FCGR2B: variants seen among roughly 807,000 people sequenced by gnomAD.
FCGR2B encodes low affinity immunoglobulin gamma Fc region receptor II-b.
FCGR2B carries 18 observed loss-of-function variants against 24.8 expected under a neutral mutation model. That is an observed-to-expected ratio of 0.73 (90% CI 0.50 to 1.08). The LOEUF is 1.08. Ranked by LOEUF, FCGR2B falls within the 50% of genes least tolerant of loss-of-function variation. The pLI is 0.00. For missense variants in FCGR2B, 215 were observed against 297.6 expected, an observed-to-expected ratio of 0.72 and a Z score of 2.04; for synonymous variants, 79 against 109.8, an observed-to-expected ratio of 0.72 and a Z score of 1.75.
At chr1:161,656,148 T>A in the FCGR2B span, among the ~76,000 whole-genome samples, 3 of 135,088 alleles carry the variant, frequency 2.2e-5, no homozygotes, top group Admixed American at 2.3e-4. Flanking sequence ...TCAGGCGTCG[T>A]GCCCAGCCTC....
chr1:161,650,446 AG>A, the FCGR2B span, among the ~76,000 whole-genome samples: 1 of 144,896 alleles, frequency 6.9e-6, no homozygotes, highest in Admixed American at 6.9e-5. Flanking sequence ...GAGTGAAGCA[AG>A]GCTCTCATTC....
Position 161,678,478 on chromosome 1 carries a change from G to A in FCGR2B, c.*925G>A, listed in dbSNP as rs1403229901. On this transcript the variant is annotated 3_prime_UTR_variant, in exon 8 of 8. Transcript: ENST00000358671. ...GTGTGTAGTAGGCCACACCATTTAG[G>A]TTTGTATAAGTACCTGCTATGATGT... 1.4e-5 allele frequency: 3 copies of A among 217,594 alleles called. No individual in the cohort carries two copies. The highest frequency in any genetic ancestry group is 2.8e-5 in the Non-Finnish European group (3 of 108,312). 13.5% of individuals were successfully genotyped at this position (217,594 alleles called of 1,614,324 possible). A position where few individuals can be genotyped will look rare whatever the true frequency, so the allele number is the denominator to read the frequency against.
chr1:161,675,553 C>T, intron 6 of FCGR2B: 4 of 405,872 alleles, frequency 9.9e-6, no homozygotes, highest in Non-Finnish European at 1.3e-5. Context: ...AGGGCTGTGT[C>T]CGAATTTCTG....
the FCGR2B span, among the ~76,000 whole-genome samples, chr1:161,648,567 T>A: frequency 0.014 from 2,153 of 151,218 alleles, 132 homozygotes; most frequent in African/African-American, 0.05. Context: ...AATTAGCTTA[T>A]CTTCTCATTG....
intron 2 of FCGR2B, among the ~76,000 whole-genome samples, chr1:161,671,125 A>T (rs368990768): frequency 3.9e-5 from 6 of 152,282 alleles, no homozygotes; most frequent in Admixed American, 6.5e-5. Flanking sequence ...AGGATATCTC[A>T]GGTAAAGTAT....
Position 161,677,788 on chromosome 1 carries a change from T to C in FCGR2B, c.*235T>C. The C allele has an allele frequency of 2.0e-6, 1 of 504,436 alleles. No individual in the cohort carries two copies. The highest frequency in any genetic ancestry group is 3.5e-6 in the Non-Finnish European group (1 of 287,772). The allele number at this position is 504,436 out of a possible 1,614,324, so 31.2% of individuals were successfully genotyped here. ...CTTCAGCTCTTCTTGACATCAAGGC[T>C]CTTCCGTTCCACATCCACACAGCCA... On this transcript the variant is annotated 3_prime_UTR_variant, in exon 8 of 8. Coordinates refer to ENST00000358671, the MANE Select transcript of FCGR2B (RefSeq NM_001394477.1).
chr1:161,654,075 GA>G, the FCGR2B span, among the ~76,000 whole-genome samples: 3 of 136,522 alleles, frequency 2.2e-5, 1 homozygote, highest in Admixed American at 7.9e-5. Context: ...ATGTGTTTGA[GA>G]AATTGCTGCT....
the FCGR2B span, among the ~76,000 whole-genome samples, chr1:161,647,707 C>T: frequency 0.58 from 87,724 of 150,176 alleles, 26,090 homozygotes; most frequent in East Asian, 0.76. Flanking sequence ...TGGATTCCTT[C>T]GTCCTGCAGA....
chr1:161,647,943 G>C, the FCGR2B span, among the ~76,000 whole-genome samples: 7 of 150,956 alleles, frequency 4.6e-5, 1 homozygote, highest in Admixed American at 2.0e-4. Context: ...ACGACCCTTC[G>C]TCTTGTGAAC....
intron 2 of FCGR2B, 83 bp from the exon 3 acceptor site, chr1:161,671,309 G>C: frequency 1.2e-6 from 2 of 1,606,696 alleles, no homozygotes; most frequent in Non-Finnish European, 1.7e-6. Context: ...TAGGCCTACA[G>C]GTGCTTTTTT....
At chr1:161,649,508 A>G in the FCGR2B span, among the ~76,000 whole-genome samples, 1 of 150,926 alleles carries the variant, frequency 6.6e-6, no homozygotes, top group Non-Finnish European at 1.5e-5. Flanking sequence ...TGACCACTAA[A>G]TGACATCTTT....
At chr1:161,673,585 C>A in intron 4 of FCGR2B, 2 of 680,988 alleles carry the variant, frequency 2.9e-6, no homozygotes, top group South Asian at 2.9e-5. Context: ...ATGTTACAGC[C>A]ATTCACTCCA....
At chr1:161,669,221 AG>A (rs1392594130) in intron 1 of FCGR2B, among the ~76,000 whole-genome samples, 1 of 140,060 alleles carries the variant, frequency 7.1e-6, no homozygotes, top group African/African-American at 2.5e-5. Flanking sequence ...CAAGCAAAAG[AG>A]TTGTTAAATA....
the FCGR2B span, among the ~76,000 whole-genome samples, chr1:161,653,360 C>G: frequency 7.6e-6 from 1 of 131,586 alleles, no homozygotes; most frequent in Non-Finnish European, 1.7e-5. Flanking sequence ...GAGCCAAGAT[C>G]CCACCACTGC....
chr1:161,671,422 A>T lies in FCGR2B; in HGVS notation c.164A>T (p.Glu55Val). The T allele has an allele frequency of 3.7e-6, 6 of 1,614,100 alleles. No individual in the cohort carries two copies. Among genetic ancestry groups the T allele is most frequent in the Non-Finnish European group, 5.1e-6 (6 of 1,180,024 alleles). Residue 55 changes from glutamate (E) to valine (V), a missense_variant, in exon 3 of 8, where the codon GAG (glutamate) becomes GTG (valine). Glu to Val is a moderately radical substitution (Grantham distance 121). This residue lies in a region of FCGR2B where 77 missense variants were observed against 68.8 expected (regional missense o/e 1.12). Coordinates refer to ENST00000358671, the MANE Select transcript of FCGR2B (RefSeq NM_001394477.1). ...AAPPKAVLKL[E>V]PQWINVLQED... ...CCCCCAAAGGCTGTGCTGAAACTCG[A>T]GCCCCAGTGGATCAACGTGCTCCAG...
At position 161,677,380 on chromosome 1, in the gene FCGR2B, C is replaced by T. The variant is rs755335045; in HGVS notation, c.855+15C>T. 6.2e-7 allele frequency: 1 copy of T among 1,612,900 alleles called. No homozygotes were observed. Among genetic ancestry groups the T allele is most frequent in the Admixed American group, 1.7e-5 (1 of 59,832 alleles). ...ACAAAGTTGGGGTGAGTGATCCCAG[C>T]CATCTCCCCCTCCCTTCTCCCCTGT... On this transcript the variant is annotated intron_variant, in intron 7 of 7. Coordinates refer to ENST00000358671, the MANE Select transcript of FCGR2B (RefSeq NM_001394477.1).
chr1:161,671,250 T>C, intron 2 of FCGR2B, 142 bp from the exon 3 acceptor site: 1 of 1,397,332 alleles, frequency 7.2e-7, no homozygotes, highest in South Asian at 1.4e-5. Flanking sequence ...AGCAACTGCC[T>C]TCAGTTGCAG....
chr1:161,671,215 C>T (rs928998019), intron 2 of FCGR2B, among the ~76,000 whole-genome samples, 177 bp from the exon 3 acceptor site: 7 of 152,102 alleles, frequency 4.6e-5, no homozygotes, highest in African/African-American at 7.2e-5. Flanking sequence ...TCCCTGGGGC[C>T]GTTGTGGTGG....
At chr1:161,661,015 A>G (rs1212946123), upstream of FCGR2B, among the ~76,000 whole-genome samples, 2 of 75,570 alleles carry the variant, frequency 2.6e-5, no homozygotes, top group African/African-American at 5.9e-5. Context: ...CGGAGGTTGT[A>G]GTGAACCGAG....
Sources: gnomAD v4.1 joint callset for allele counts (sites outside exome capture counted in the v4.1 genomes callset) on GRCh38, gnomAD v4.1.1 for gene constraint, gnomAD v4.1.1 regional missense constraint, MANE v1.5 for transcripts, NCBI Gene and HGNC (gene_info 2026-07-23, HGNC 2026-07-21) for gene names.